HHAT: variants seen among roughly 807,000 people sequenced by gnomAD.
The protein encoded by HHAT is hedgehog acyltransferase.
Under a neutral mutation model 70.8 loss-of-function variants are expected in HHAT, and 47 were observed. The observed-to-expected ratio is 0.66, with a 90% CI of 0.53 to 0.85. The LOEUF is 0.85. HHAT is among the 40% of genes least tolerant of loss of function. The pLI is 0.00. For missense variants in HHAT, 609 were observed against 604.8 expected (o/e 1.01, Z -0.07); for synonymous variants, 228 against 247.6 (o/e 0.92, Z 0.74).
At chr1:210,573,727 TC>T (rs1190982837) in intron 9 of HHAT, among the ~76,000 whole-genome samples, 1 of 152,170 alleles carries the variant, frequency 6.6e-6, no homozygotes, top group Non-Finnish European at 1.5e-5. Flanking sequence ...TCAGGGTATC[TC>T]CTGTTGGTAT....
chr1:210,477,152 C>G (rs1157573148), intron 8 of HHAT, among the ~76,000 whole-genome samples: 1 of 152,068 alleles, frequency 6.6e-6, no homozygotes, highest in East Asian at 1.9e-4. Flanking sequence ...AGCTCTAAGG[C>G]AGGGAGGGTG....
chr1:210,403,575 A>G (rs1363497031), intron 5 of HHAT, among the ~76,000 whole-genome samples: 2 of 152,214 alleles, frequency 1.3e-5, no homozygotes, highest in Non-Finnish European at 2.9e-5. Flanking sequence ...AGTCTTGTAC[A>G]AGAAGTAGAA....
In HHAT at chr1:210,386,239, T is replaced by C. The variant is rs1364319873; in HGVS notation, c.160-1229T>C. ...GTCCTTTTCTTTTTTTCTTTTTTTT[T>C]TTTTTTTTTTTTTTTTTGAGACAGA... On this transcript the variant is annotated intron_variant, in intron 3 of 11. Transcript: ENST00000261458. Among the ~76,000 whole-genome samples, 70 of 100,812 alleles carry C rather than the reference T, an allele frequency of 6.9e-4. 2 individuals carry two copies. Among genetic ancestry groups the C allele is most frequent in the East Asian group, 1.3e-3 (5 of 3,894 alleles). 66.1% of individuals were successfully genotyped at this position (100,812 alleles called of 152,430 possible). A position where few individuals can be genotyped will look rare whatever the true frequency, so the allele number is the denominator to read the frequency against.
At chr1:210,433,884 G>T (rs2093314844) in intron 7 of HHAT, among the ~76,000 whole-genome samples, 1 of 151,936 alleles carries the variant, frequency 6.6e-6, no homozygotes, top group African/African-American at 2.4e-5. Context: ...GCAGGGCATT[G>T]GGCTGTGGAT....
rs549563935 is a variant in HHAT, at chr1:210,547,227, G to A, written c.1043+34039G>A. Among the ~76,000 whole-genome samples the A allele has an allele frequency of 1.7e-4, 25 of 150,116 alleles. No homozygotes were observed. The East Asian group carries it at 5.2e-3, about 31-fold the overall frequency. ...GCCTGTAATCCCAGCTACTCAGGAG[G>A]CTGAGGCAGAATTGCTTGAACCCGG... On this transcript the variant is annotated intron_variant, in intron 9 of 11. Coordinates refer to ENST00000261458, the MANE Select transcript of HHAT (RefSeq NM_018194.6).
At chr1:210,527,303 C>T (rs940296097) in intron 9 of HHAT, among the ~76,000 whole-genome samples, 6 of 152,180 alleles carry the variant, frequency 3.9e-5, no homozygotes, top group African/African-American at 1.4e-4. Flanking sequence ...TCAGCTCAGG[C>T]TCCCATGGCT....
At chr1:210,363,797 A>C (rs558729287) in intron 3 of HHAT, among the ~76,000 whole-genome samples, 15 of 152,316 alleles carry the variant, frequency 9.8e-5, no homozygotes, top group African/African-American at 3.6e-4. Context: ...TACTTTATGT[A>C]ATATACCAAA....
At chr1:210,616,955 T>C (rs77518911) in intron 10 of HHAT, among the ~76,000 whole-genome samples, 3,972 of 152,298 alleles carry the variant, frequency 0.026, 169 homozygotes, top group African/African-American at 0.091. Flanking sequence ...AACACAGAAA[T>C]TGGGTGACTG....
chr1:210,401,286 G>T (rs2092059637), intron 5 of HHAT, among the ~76,000 whole-genome samples: 2 of 152,132 alleles, frequency 1.3e-5, no homozygotes, highest in Non-Finnish European at 1.5e-5. Context: ...GTTAATTTTT[G>T]TATTTTTAGT....
At chr1:210,603,981 A>C (rs932358595) in intron 10 of HHAT, among the ~76,000 whole-genome samples, 5 of 152,188 alleles carry the variant, frequency 3.3e-5, no homozygotes, top group Non-Finnish European at 7.4e-5. Context: ...TGGAACAGAC[A>C]CTGACTGTCT....
chr1:210,660,092 G>A (rs113208571), intron 11 of HHAT, among the ~76,000 whole-genome samples: 24,360 of 152,070 alleles, frequency 0.16, 2,617 homozygotes, highest in East Asian at 0.39. Flanking sequence ...AAGAAATAAA[G>A]GGTATTCAAT....
At chr1:210,352,723 A>C (rs2087158650) in intron 2 of HHAT, among the ~76,000 whole-genome samples, 1 of 152,118 alleles carries the variant, frequency 6.6e-6, no homozygotes, top group Admixed American at 6.5e-5. Flanking sequence ...AATCCACAGC[A>C]GGGACTCAAC....
At chr1:210,545,215 C>T (rs990556128) in intron 9 of HHAT, among the ~76,000 whole-genome samples, 1 of 152,162 alleles carries the variant, frequency 6.6e-6, no homozygotes, top group African/African-American at 2.4e-5. Flanking sequence ...GGCCTCTTCT[C>T]TTACCTCTCG....
At chr1:210,503,173 T>C (rs1449645757) in intron 8 of HHAT, among the ~76,000 whole-genome samples, 1 of 152,248 alleles carries the variant, frequency 6.6e-6, no homozygotes, top group Non-Finnish European at 1.5e-5. Context: ...TTGGCCAGGC[T>C]GGTCTCGAAC....
chr1:210,471,416 A>G (rs1487637737), intron 8 of HHAT, among the ~76,000 whole-genome samples: 3 of 151,770 alleles, frequency 2.0e-5, no homozygotes, highest in Non-Finnish European at 4.4e-5. Context: ...ATAAGAGATG[A>G]GGGAGAAAGT....
intron 11 of HHAT, among the ~76,000 whole-genome samples, chr1:210,653,028 TG>T (rs935869486): frequency 1.3e-5 from 2 of 152,120 alleles, no homozygotes; most frequent in African/African-American, 2.4e-5. Flanking sequence ...AGCAAAAGAT[TG>T]GAATAGACAT....
intron 9 of HHAT, among the ~76,000 whole-genome samples, chr1:210,554,825 C>T (rs567392926): frequency 1.4e-3 from 220 of 152,244 alleles, no homozygotes; most frequent in South Asian, 4.4e-3. Context: ...TGCCATCTAG[C>T]AATCTGCCCT....
chr1:210,331,617 CTT>C (rs1471686517), intron 1 of HHAT, among the ~76,000 whole-genome samples: 5 of 152,196 alleles, frequency 3.3e-5, no homozygotes, highest in African/African-American at 9.7e-5. Flanking sequence ...TGCTCAAACT[CTT>C]TTGAAAGCTG....
chr1:210,665,022 T>C (rs777608897), intron 11 of HHAT, among the ~76,000 whole-genome samples: 5 of 152,150 alleles, frequency 3.3e-5, no homozygotes, highest in Middle Eastern at 3.2e-3. Flanking sequence ...TACTTCCCCA[T>C]TGGATATATC....
Sources: allele counts gnomAD v4.1 joint callset (sites outside exome capture counted in the v4.1 genomes callset), GRCh38; gene constraint gnomAD v4.1.1; transcripts MANE v1.5; gene names NCBI Gene and HGNC (gene_info 2026-07-23, HGNC 2026-07-21).